KIAA1210: variants seen among roughly 807,000 people sequenced by gnomAD.
The protein encoded by KIAA1210 is KIAA1210.
A neutral mutation model predicts 78.9 loss-of-function variants in KIAA1210; 48 were observed. The ratio of observed to expected loss-of-function variants is 0.61; its 90% CI spans 0.48 to 0.77. The LOEUF (loss-of-function observed/expected upper bound fraction) is 0.77. Among genes scored for constraint, KIAA1210 ranks in the 30% least tolerant of loss-of-function variants. The pLI is 0.00. For missense variants in KIAA1210, 1,108 were observed against 1,100.0 expected, an observed-to-expected ratio of 1.01 and a Z score of -0.10; for synonymous variants, 406 against 404.5, an observed-to-expected ratio of 1.00 and a Z score of -0.04.
At chrX:119,145,354 T>A (rs777020007) in intron 2 of KIAA1210, among the ~76,000 whole-genome samples, 3 of 111,124 alleles carry the variant, frequency 2.7e-5, no homozygotes, top group African/African-American at 9.8e-5. Flanking sequence ...AACCACTAGA[T>A]GTCAGTAGCA....
At chrX:119,085,752 T>C (rs774224704) in intron 9 of KIAA1210, among the ~76,000 whole-genome samples, 3 of 112,627 alleles carry the variant, frequency 2.7e-5, no homozygotes, top group Admixed American at 9.3e-5. Context: ...GTAAAGAAGC[T>C]GTACTTAAAA....
In KIAA1210 at chrX:119,093,743, T is replaced by C. The variant is rs1209866488; in HGVS notation, c.879A>G (p.Pro293=). 4 of 1,207,074 alleles carry C rather than the reference T, an allele frequency of 3.3e-6. No individual in the cohort carries two copies. Among genetic ancestry groups the C allele is most frequent in the Non-Finnish European group, 3.4e-6 (3 of 893,518 alleles). ...TGCTCTTTTCTTCTTCAGAAACCAA[T>C]GGAAGGTTTGGCTCCTCCTCCTTTG... The part of the protein sequence containing the change: ...VEPKEEEPNL[P]LVSEEEKSIT... The change falls in exon 8 of 12, where the codon CCA becomes CCG. Residue 293 remains proline (P), a synonymous_variant. Coordinates refer to ENST00000691062, the MANE Select transcript of KIAA1210 (RefSeq NM_001394962.1).
intron 8 of KIAA1210, among the ~76,000 whole-genome samples, chrX:119,093,399 A>G (rs754602502): frequency 8.9e-6 from 1 of 112,449 alleles, no homozygotes; most frequent in Admixed American, 9.4e-5. Flanking sequence ...ATTCACAAAC[A>G]AAACACCTCT....
chrX:119,130,267 C>T (rs1233532371), upstream of KIAA1210, among the ~76,000 whole-genome samples: 1 of 112,427 alleles, frequency 8.9e-6, no homozygotes, highest in African/African-American at 3.2e-5. Context: ...CAGCCCCATG[C>T]TCTGACCTCC....
chrX:119,127,396 A>T (rs769011141), intron 1 of KIAA1210, among the ~76,000 whole-genome samples: 2 of 111,439 alleles, frequency 1.8e-5, no homozygotes, highest in South Asian at 7.7e-4. Context: ...GAAAGAGGGC[A>T]TCTTGGCTAC....
chrX:119,117,370 T>C (rs1184128438), intron 2 of KIAA1210, among the ~76,000 whole-genome samples: 1 of 103,725 alleles, frequency 9.6e-6, no homozygotes. Flanking sequence ...TTTCAAGGAG[T>C]GTGTGTGTGT....
Position 119,087,907 on chromosome X carries a change from G to A in KIAA1210, c.2795C>T (p.Thr932Ile). ...CTCCTTAGAAATGTCCTCTTCAACA[G>A]TAGTGCTTTCTGGATGTGCAGAGAG... is the stretch of plus-strand genomic sequence containing the variant. ...YQLSAHPEST[T>I]VEEDISKEQL... The change falls in exon 9 of 12, where the codon ACT (threonine) becomes ATT (isoleucine). Residue 932 changes from threonine to isoleucine, a missense_variant. By Grantham distance (89) the Thr-to-Ile change is moderately conservative. Transcript: ENST00000691062. 8.3e-7 allele frequency: 1 copy of A among 1,211,953 alleles called. No homozygotes were observed. Among genetic ancestry groups the A allele is most frequent in the Non-Finnish European group, 1.1e-6 (1 of 895,468 alleles).
In KIAA1210 at chrX:119,083,074, GA is replaced by G; in HGVS notation, c.4366del (p.Ser1456ProfsTer12). 1.7e-6 allele frequency: 2 copies of G among 1,208,722 alleles called. No homozygotes were observed. Among genetic ancestry groups the G allele is most frequent in the Non-Finnish European group, 2.2e-6 (2 of 894,248 alleles). The stretch of plus-strand genomic sequence containing the variant: ...TGTCTTCTCCTGTTTATGGACACTG[GA>G]AGTGAACATCTTTTTAGGTTGGTTT... The part of the protein sequence containing the change: ...NENQPKKMFT[S>X]SVHKQEKTAQ... On this transcript the variant is annotated frameshift_variant, in exon 11 of 12. Coordinates refer to ENST00000691062, the MANE Select transcript of KIAA1210 (RefSeq NM_001394962.1). LOFTEE classifies it high-confidence loss of function.
chrX:119,137,351 C>G (rs1928937384), intron 2 of KIAA1210, among the ~76,000 whole-genome samples: 1 of 112,389 alleles, frequency 8.9e-6, no homozygotes, highest in Admixed American at 9.4e-5. Context: ...AGAAAATGAC[C>G]AATTCCCTGA....
chrX:119,108,334 T>C lies in KIAA1210; in HGVS notation c.492+3A>G, dbSNP rs1236847539. The C allele has an allele frequency of 2.5e-6, 3 of 1,205,769 alleles. No homozygotes were observed. The highest frequency in any genetic ancestry group is 2.3e-4 in the Middle Eastern group (1 of 4,347). ...CATGCGCTGAACAATTCCACTTTGT[T>C]ACCTCAGTGATCTTGGGGCCAGCAA... On this transcript the variant is annotated splice_donor_region_variant and intron_variant, in intron 5 of 11. Transcript: ENST00000691062.
chrX:119,150,461 C>T, exon 1 of KIAA1210: 3 of 1,211,830 alleles, frequency 2.5e-6, no homozygotes, highest in Non-Finnish European at 3.4e-6. Context: ...GGAATACGCT[C>T]GACTTCCAAT....
chrX:119,120,702 G>A (rs773029932), intron 2 of KIAA1210, among the ~76,000 whole-genome samples: 28 of 111,710 alleles, frequency 2.5e-4, no homozygotes, highest in East Asian at 5.6e-4. Flanking sequence ...TTATTTTCCC[G>A]CAAAGATTCA....
upstream of KIAA1210, among the ~76,000 whole-genome samples, chrX:119,130,031 G>A (rs780898753): frequency 9.8e-5 from 11 of 111,991 alleles, no homozygotes; most frequent in South Asian, 3.8e-4. Context: ...TGAGCTATAC[G>A]TTTATTTATG....
In KIAA1210 at chrX:119,080,638, T is replaced by G. The variant is rs1050125218; in HGVS notation, c.*691A>C. 1 of 112,171 alleles carries G rather than the reference T, an allele frequency of 8.9e-6. No homozygotes were observed. Among genetic ancestry groups the G allele is most frequent in the African/African-American group, 3.2e-5 (1 of 30,865 alleles). The allele number at this position is 112,171 out of a possible 1,213,427, so 9.2% of individuals were successfully genotyped here. ...CAATTTTCTAGTTGCTCCAACAAAATGTTTTTGCTTTCTCCCTTCTAAAGC... is the reference window on the plus strand; with the variant it reads ...CAATTTTCTAGTTGCTCCAACAAAAGGTTTTTGCTTTCTCCCTTCTAAAGC... On this transcript the variant is annotated 3_prime_UTR_variant, in exon 12 of 12. Coordinates refer to ENST00000691062, the MANE Select transcript of KIAA1210 (RefSeq NM_001394962.1).
intron 2 of KIAA1210, among the ~76,000 whole-genome samples, chrX:119,138,220 T>TG (rs1467390724): frequency 3.5e-5 from 3 of 85,636 alleles, no homozygotes; most frequent in African/African-American, 1.3e-4. Flanking sequence ...TGTTTTTTTT[T>TG]TTTTTTTTTT....
At chrX:119,094,184 A>G (rs1927483237) in intron 7 of KIAA1210, 2 of 531,701 alleles carry the variant, frequency 3.8e-6, no homozygotes, top group Non-Finnish European at 6.4e-6. Context: ...CTGTGAGTCA[A>G]ATTCAAATCC....
At chrX:119,117,375 G>GTT (rs1928304125) in intron 2 of KIAA1210, among the ~76,000 whole-genome samples, 1 of 107,687 alleles carries the variant, frequency 9.3e-6, no homozygotes, top group South Asian at 3.8e-4. Context: ...AGGAGTGTGT[G>GTT]TGTGTGTGTG....
intron 10 of KIAA1210, 71 bp from the exon 11 acceptor site, chrX:119,083,191 G>A (rs774834052): frequency 7.6e-6 from 6 of 794,361 alleles, no homozygotes; most frequent in Middle Eastern, 5.9e-4. Flanking sequence ...TTATTCAGAG[G>A]ACCATAGAGT....
chrX:119,144,325 A>G (rs1487097183), intron 2 of KIAA1210, among the ~76,000 whole-genome samples: 1 of 112,299 alleles, frequency 8.9e-6, no homozygotes, highest in Non-Finnish European at 1.9e-5. Context: ...AGACACTTAC[A>G]TTCCAAATTT....
Sources: allele counts gnomAD v4.1 joint callset (sites outside exome capture counted in the v4.1 genomes callset), GRCh38; gene constraint gnomAD v4.1.1; transcripts MANE v1.5; gene names NCBI Gene and HGNC (gene_info 2026-07-23, HGNC 2026-07-21).